UST: variants seen among roughly 807,000 people sequenced by gnomAD.
The protein encoded by UST is uronyl 2-sulfotransferase, also known as chondroitin sulfate 2-O-sulfotransferase.
In UST, 21 loss-of-function variants were observed where a neutral mutation model predicts 45.6. The observed-to-expected ratio is 0.46, with a 90% CI of 0.33 to 0.66. The LOEUF is 0.66. UST is among the 30% of genes least tolerant of loss of function. The pLI is 0.02. For missense variants in UST, 463 were observed against 512.4 expected (o/e 0.90, Z 0.93); for synonymous variants, 215 against 200.6 (o/e 1.07, Z -0.61).
intron 1 of UST, among the ~76,000 whole-genome samples, chr6:148,812,422 CAT>C (rs1164417306): frequency 6.6e-6 from 1 of 152,192 alleles, no homozygotes; most frequent in Non-Finnish European, 1.5e-5. Flanking sequence ...TATCCCAAAA[CAT>C]AACATCTTAA....
intron 1 of UST, among the ~76,000 whole-genome samples, chr6:148,783,593 C>T (rs1249205980): frequency 1.3e-5 from 2 of 152,134 alleles, no homozygotes; most frequent in Non-Finnish European, 2.9e-5. Flanking sequence ...ACCAAATGTC[C>T]TTGATATCTG....
intron 7 of UST, among the ~76,000 whole-genome samples, chr6:149,042,989 T>TTCTA (rs1776339690): frequency 8.5e-6 from 1 of 117,150 alleles, no homozygotes; most frequent in Non-Finnish European, 1.8e-5. Flanking sequence ...CTTTCTTTCT[T>TTCTA]TCTTTCTTTC....
chr6:149,050,427 T>G (rs1282014396), intron 7 of UST, among the ~76,000 whole-genome samples: 2 of 152,240 alleles, frequency 1.3e-5, no homozygotes, highest in Non-Finnish European at 2.9e-5. Flanking sequence ...AAAGTCTTCA[T>G]GCTGTGATAT....
chr6:148,856,009 GGTTTT>G (rs78775344), intron 1 of UST, among the ~76,000 whole-genome samples: 2 of 151,506 alleles, frequency 1.3e-5, no homozygotes, highest in African/African-American at 4.9e-5. Flanking sequence ...AAAAATATGG[GGTTTT>G]GTTTTGTTTT....
intron 1 of UST, among the ~76,000 whole-genome samples, chr6:148,752,949 A>G (rs944524394): frequency 3.3e-5 from 5 of 152,186 alleles, no homozygotes; most frequent in Admixed American, 1.3e-4. Context: ...ATTTATTTGT[A>G]TTACATAGAA....
At chr6:148,999,943 T>G (rs1371787533) in intron 5 of UST, among the ~76,000 whole-genome samples, 1 of 152,226 alleles carries the variant, frequency 6.6e-6, no homozygotes, top group Non-Finnish European at 1.5e-5. Context: ...CCAAAGGATT[T>G]ACCAGCTTTA....
chr6:148,877,932 G>T (rs1429046440), intron 1 of UST, among the ~76,000 whole-genome samples: 2 of 96,924 alleles, frequency 2.1e-5, no homozygotes, highest in Admixed American at 1.0e-4. Flanking sequence ...TGTATGAGTG[G>T]GGGGGTCGTG....
At chr6:148,849,595 G>A (rs1049164532) in intron 1 of UST, among the ~76,000 whole-genome samples, 12 of 152,146 alleles carry the variant, frequency 7.9e-5, no homozygotes, top group African/African-American at 2.7e-4. Context: ...GCAGGACTGG[G>A]GAGGCCTCAG....
intron 3 of UST, among the ~76,000 whole-genome samples, chr6:148,946,190 A>C (rs1254697922): frequency 6.6e-6 from 1 of 152,256 alleles, no homozygotes; most frequent in Non-Finnish European, 1.5e-5. Flanking sequence ...AGGGATCCCT[A>C]AGGCATGGTT....
chr6:148,754,914 G>T (rs1400428647), intron 1 of UST, among the ~76,000 whole-genome samples: 2 of 152,114 alleles, frequency 1.3e-5, no homozygotes, highest in Non-Finnish European at 2.9e-5. Context: ...TGGGGGTCTT[G>T]TTTTACAGTT....
At chr6:148,896,159 G>A (rs575296519) in intron 2 of UST, among the ~76,000 whole-genome samples, 14 of 152,322 alleles carry the variant, frequency 9.2e-5, no homozygotes, top group South Asian at 6.2e-4. Context: ...CCCATTTCCC[G>A]GAGGGCAGGA....
At chr6:148,804,814 G>A (rs1777116230) in intron 1 of UST, among the ~76,000 whole-genome samples, 1 of 149,208 alleles carries the variant, frequency 6.7e-6, no homozygotes, top group Admixed American at 6.7e-5. Context: ...ATTTTTATAT[G>A]TAAATATATA....
intron 5 of UST, among the ~76,000 whole-genome samples, chr6:149,016,304 T>G (rs1775898681): frequency 6.6e-6 from 1 of 152,220 alleles, no homozygotes; most frequent in Admixed American, 6.5e-5. Context: ...AATAGGGAAG[T>G]GGCCTTCTTA....
At chr6:148,857,109 TTA>T (rs1345760413) in intron 1 of UST, among the ~76,000 whole-genome samples, 4 of 152,042 alleles carry the variant, frequency 2.6e-5, no homozygotes, top group African/African-American at 9.7e-5. Context: ...TTCATCATTT[TTA>T]TGAGGAAGTC....
intron 1 of UST, among the ~76,000 whole-genome samples, chr6:148,825,732 A>G (rs538838391): frequency 6.6e-6 from 1 of 152,356 alleles, no homozygotes; most frequent in South Asian, 2.1e-4. Context: ...GCCCAAAGGA[A>G]GAGTTCTCAG....
chr6:149,034,371 T>C (rs1166512707), intron 7 of UST, among the ~76,000 whole-genome samples: 1 of 152,206 alleles, frequency 6.6e-6, no homozygotes, highest in African/African-American at 2.4e-5. Flanking sequence ...GATAAGTATG[T>C]CAGTTCCATC....
intron 1 of UST, among the ~76,000 whole-genome samples, chr6:148,824,671 T>G (rs1170983374): frequency 9.2e-6 from 1 of 108,598 alleles, no homozygotes; most frequent in African/African-American, 4.2e-5. Context: ...TGGTATTTTC[T>G]TTCTTTTTTT....
At chr6:148,802,842 G>A (rs1409430716) in intron 1 of UST, among the ~76,000 whole-genome samples, 1 of 152,056 alleles carries the variant, frequency 6.6e-6, no homozygotes, top group Non-Finnish European at 1.5e-5. Flanking sequence ...TGAGCAGAAC[G>A]GTAGACCCAG....
At chr6:148,900,250 G>T (rs1482965853) in intron 2 of UST, among the ~76,000 whole-genome samples, 1 of 152,062 alleles carries the variant, frequency 6.6e-6, no homozygotes, top group Non-Finnish European at 1.5e-5. Context: ...CGGCTTGCTC[G>T]CTCAACCTCA....
Sources: allele counts gnomAD v4.1 joint callset (sites outside exome capture counted in the v4.1 genomes callset), GRCh38; gene constraint gnomAD v4.1.1; transcripts MANE v1.5; gene names NCBI Gene and HGNC (gene_info 2026-07-23, HGNC 2026-07-21).